The following ADGRL1 variants were observed in gnomAD, a reference collection of about 807,000 sequenced individuals.
The protein encoded by ADGRL1 is CIRL-1.
Under a neutral mutation model 148.9 loss-of-function variants are expected in ADGRL1, and 31 were observed. The observed-to-expected ratio is 0.21, with a 90% CI of 0.16 to 0.28. ADGRL1 has a LOEUF of 0.28. Among genes scored for constraint, ADGRL1 ranks in the 10% least tolerant of loss-of-function variants. The pLI, the probability that ADGRL1 is intolerant of heterozygous loss-of-function variation, is 1.00. For synonymous variants in ADGRL1, 937 were observed against 900.3 expected (o/e 1.04, Z -0.73); for missense variants, 1,521 against 2,058.8 (o/e 0.74, Z 5.05).
rs1338260578 is a variant in ADGRL1, at chr19:14,149,935, T to C, written c.*938A>G. The C allele has an allele frequency of 1.4e-5, 2 of 146,870 alleles. No homozygotes were observed. Among genetic ancestry groups the C allele is most frequent in the Non-Finnish European group, 3.0e-5 (2 of 66,290 alleles). The allele number at this position is 146,870 out of a possible 1,614,324, so 9.1% of individuals were successfully genotyped here. A position where few individuals can be genotyped will look rare whatever the true frequency, so the allele number is the denominator to read the frequency against. The stretch of plus-strand genomic sequence containing the variant: ...TTTTTTTCTTTTCTTTTTTTTTTTT[T>C]TTGTCTTTTTTTTTTCTTTTCCATT... On this transcript the variant is annotated 3_prime_UTR_variant, in exon 23 of 23. Coordinates refer to ENST00000361434, the MANE Select transcript of ADGRL1 (RefSeq NM_014921.5).
chr19:14,156,812 G>C lies in ADGRL1; in HGVS notation c.2967-88C>G, dbSNP rs1327039744. ...AAGGCCTAGGACTCTGCAGGCTGCA[G>C]CCTCTGGGATCAGGAGGAGGAAGGG... is the stretch of plus-strand genomic sequence containing the variant. On this transcript the variant is annotated intron_variant, in intron 15 of 22. Coordinates refer to ENST00000361434, the MANE Select transcript of ADGRL1 (RefSeq NM_014921.5). The C allele has an allele frequency of 1.8e-5, 27 of 1,522,930 alleles. No individual in the cohort carries two copies. The Admixed American group carries it at 5.1e-4, about 29-fold the overall frequency. The allele number at this position is 1,522,930 out of a possible 1,614,324, so 94.3% of individuals were successfully genotyped here.
intron 18 of ADGRL1, among the ~76,000 whole-genome samples, chr19:14,153,363 T>C (rs900756885): frequency 1.7e-4 from 25 of 151,238 alleles, no homozygotes; most frequent in African/African-American, 5.8e-4. Context: ...CGGAGAAAAC[T>C]ATGGCCAGAA....
chr19:14,184,997 G>A (rs897623850), intron 1 of ADGRL1, among the ~76,000 whole-genome samples: 2 of 152,052 alleles, frequency 1.3e-5, no homozygotes, highest in East Asian at 1.9e-4. Context: ...TGCCCAGACT[G>A]ATCTCAAACT....
chr19:14,179,282 G>C (rs979871943), intron 2 of ADGRL1, among the ~76,000 whole-genome samples: 2 of 151,792 alleles, frequency 1.3e-5, no homozygotes, highest in Admixed American at 6.6e-5. Flanking sequence ...ATCATGAGGT[G>C]AGGTGATTGA....
intron 2 of ADGRL1, among the ~76,000 whole-genome samples, chr19:14,181,712 C>T (rs141991645): frequency 2.0e-5 from 3 of 152,272 alleles, no homozygotes; most frequent in African/African-American, 2.4e-5. Context: ...AAGAGCAAAA[C>T]TCCATCTCAA....
rs1348925550 is a variant in ADGRL1 at position 14,184,631 on chromosome 19, TTTATTTATTTATTTA to T, written c.-95-949_-95-935del. On this transcript the variant is annotated intron_variant, in intron 1 of 22. Transcript: ENST00000361434. The stretch of plus-strand genomic sequence containing the variant: ...TTTTATTTATTTATTTATTTATTTA[TTTATTTATTTATTTA>T]TTTTTTTTTCTGAGACGGAGTCGTG... 1.7e-4 allele frequency among the ~76,000 whole-genome samples: 22 copies of T among 128,354 alleles called. 1 individual carries two copies. Among genetic ancestry groups the T allele is most frequent in the African/African-American group, 7.1e-4 (20 of 28,072 alleles). 84.2% of individuals were successfully genotyped at this position (128,354 alleles called of 152,430 possible).
intron 1 of ADGRL1, among the ~76,000 whole-genome samples, chr19:14,201,050 G>C (rs1268844157): frequency 1.3e-5 from 2 of 152,152 alleles, no homozygotes; most frequent in African/African-American, 4.8e-5. Flanking sequence ...GACATCCATC[G>C]GGAAGAGGCT....
At chr19:14,179,736 C>T (rs1216164094) in intron 2 of ADGRL1, among the ~76,000 whole-genome samples, 2 of 151,896 alleles carry the variant, frequency 1.3e-5, no homozygotes, top group Admixed American at 6.6e-5. Flanking sequence ...GTGAAACCCC[C>T]ATCTCTACTT....
intron 1 of ADGRL1, among the ~76,000 whole-genome samples, chr19:14,184,284 G>T (rs1971420339): frequency 6.6e-6 from 1 of 152,172 alleles, no homozygotes; most frequent in South Asian, 2.1e-4. Flanking sequence ...GCTGGAGACA[G>T]GCAGGCGGGG....
chr19:14,193,041 G>T (rs1196478550), intron 1 of ADGRL1, among the ~76,000 whole-genome samples: 1 of 152,128 alleles, frequency 6.6e-6, no homozygotes, highest in Non-Finnish European at 1.5e-5. Flanking sequence ...TGACCTGGGG[G>T]ACCACGCCTG....
At chr19:14,167,081 T>G in intron 4 of ADGRL1, 1 of 1,473,198 alleles carries the variant, frequency 6.8e-7, no homozygotes, top group Non-Finnish European at 9.4e-7. Flanking sequence ...AAAAAAAATG[T>G]GCAAGAAAAA....
At chr19:14,200,082 A>G (rs1424616052) in intron 1 of ADGRL1, among the ~76,000 whole-genome samples, 1 of 152,244 alleles carries the variant, frequency 6.6e-6, no homozygotes, top group African/African-American at 2.4e-5. Flanking sequence ...CCCCTGGAGA[A>G]GATGACATTT....
At chr19:14,174,826 G>A (rs867611620) in intron 3 of ADGRL1, among the ~76,000 whole-genome samples, 1 of 142,982 alleles carries the variant, frequency 7.0e-6, no homozygotes, top group Non-Finnish European at 1.5e-5. Context: ...GTGAAACACT[G>A]CACCTGGTCT....
rs1333699785 is a variant in ADGRL1 at position 14,160,885 on chromosome 19, G to T, written c.1511-189C>A. On this transcript the variant is annotated intron_variant, in intron 6 of 22. Transcript: ENST00000361434. The surrounding 1 kb of genome is among the most constrained non-coding windows in gnomAD (Gnocchi z 5.9). ...AAGAGGCGCCACTCACTTCCCCTGA[G>T]CTCTCCCTCCTGCCCCCTTCTGTCT... Among the ~76,000 whole-genome samples, 2 of 152,270 alleles carry T rather than the reference G, an allele frequency of 1.3e-5. No homozygotes were observed. Among genetic ancestry groups the T allele is most frequent in the East Asian group, 3.9e-4 (2 of 5,156 alleles).
At chr19:14,163,448 G>A in intron 4 of ADGRL1, 42 bp from the exon 5 acceptor site, 2 of 1,363,184 alleles carry the variant, frequency 1.5e-6, no homozygotes, top group Non-Finnish European at 2.0e-6. Context: ...GGAGAGAAGG[G>A]GCAGAGGCGA....
Position 14,162,560 on chromosome 19 carries a change from G to A in ADGRL1, c.1195+46C>T. 4 of 1,544,574 alleles carry A rather than the reference G, an allele frequency of 2.6e-6. No homozygotes were observed. The highest frequency in any genetic ancestry group is 2.6e-6 in the Non-Finnish European group (3 of 1,135,782). On this transcript the variant is annotated intron_variant, in intron 5 of 22. Transcript: ENST00000361434. This position sits in a 1 kb window ranked among gnomAD's most constrained non-coding sequence, Gnocchi z 5.4. ...ACCCAGGGGTGGGTGGGGGTGGAGG[G>A]GACAAAGGCAAGCAGGCTCCATGCC... is the stretch of plus-strand genomic sequence containing the variant.
chr19:14,183,421 G>T, intron 2 of ADGRL1, 112 bp downstream of exon 2: 1 of 998,470 alleles, frequency 1.0e-6, no homozygotes, highest in Non-Finnish European at 1.5e-6. Context: ...CTGGGGCGGG[G>T]CAGGGGGCTG....
Position 14,177,526 on chromosome 19 carries a change from C to T in ADGRL1, c.284+5G>A, listed in dbSNP as rs1364034258. 2 of 1,612,646 alleles carry T rather than the reference C, an allele frequency of 1.2e-6. No individual in the cohort carries two copies. The highest frequency in any genetic ancestry group is 1.1e-5 in the South Asian group (1 of 91,070). On this transcript the variant is annotated splice_donor_5th_base_variant and intron_variant, in intron 3 of 22. Transcript: ENST00000361434. ...ATCCAGGAACTGCCACGAGAGCCCA[C>T]TCACCTCTGTGACATGATCTTGAAG...
chr19:14,153,377 G>GGGTT lies in ADGRL1; in HGVS notation c.3295-469_3295-466dup, dbSNP rs1968406669. On this transcript the variant is annotated intron_variant, in intron 18 of 22. Coordinates refer to ENST00000361434, the MANE Select transcript of ADGRL1 (RefSeq NM_014921.5). ...GCGGAGAAAACTATGGCCAGAAAGG[G>GGGTT]GGTTAGGCAGTGCTGACTTGGGAGC... Among the ~76,000 whole-genome samples the GGGTT allele has an allele frequency of 2.0e-5, 3 of 151,760 alleles. No homozygotes were observed. The South Asian group carries it at 6.2e-4, about 32-fold the overall frequency.
Sources: gnomAD v4.1 joint callset for allele counts (sites outside exome capture counted in the v4.1 genomes callset) on GRCh38, gnomAD v4.1.1 for gene constraint, Gnocchi (gnomAD v3.1) non-coding constraint, MANE v1.5 for transcripts, NCBI Gene and HGNC (gene_info 2026-07-23, HGNC 2026-07-21) for gene names.